CDC14B: variants seen among roughly 807,000 people sequenced by gnomAD.
The protein encoded by CDC14B is dual specificity protein phosphatase CDC14B.
In CDC14B, 22 loss-of-function variants were observed where a neutral mutation model predicts 64.2. That is an observed-to-expected ratio of 0.34 (90% CI 0.24 to 0.49). CDC14B has a LOEUF of 0.49. CDC14B is among the 20% of genes least tolerant of loss of function. CDC14B has a pLI of 0.99. For missense variants in CDC14B, 498 were observed against 629.9 expected, an observed-to-expected ratio of 0.79 and a Z score of 2.24; for synonymous variants, 191 against 215.8, an observed-to-expected ratio of 0.89 and a Z score of 1.01.
At chr9:96,511,413 A>T (rs1834887634) in intron 12 of CDC14B, among the ~76,000 whole-genome samples, 1 of 152,210 alleles carries the variant, frequency 6.6e-6, no homozygotes, top group African/African-American at 2.4e-5. Flanking sequence ...TCTACTAAAA[A>T]TACAAAAATT....
chr9:96,596,618 T>C (rs940478621), intron 1 of CDC14B, among the ~76,000 whole-genome samples: 5 of 152,088 alleles, frequency 3.3e-5, no homozygotes, highest in African/African-American at 1.2e-4. Context: ...CCCAGCATTT[T>C]AGGAGGCCAA....
chr9:96,553,153 T>C (rs1842047399), intron 4 of CDC14B, among the ~76,000 whole-genome samples: 1 of 152,142 alleles, frequency 6.6e-6, no homozygotes, highest in Non-Finnish European at 1.5e-5. Context: ...TTGATATCAA[T>C]GTGAAACTAT....
intron 13 of CDC14B, among the ~76,000 whole-genome samples, chr9:96,494,008 C>T (rs909531600): frequency 2.6e-5 from 4 of 152,236 alleles, no homozygotes; most frequent in Admixed American, 2.0e-4. Flanking sequence ...GGATGCCCCT[C>T]CTCCTACCCG....
intron 5 of CDC14B, among the ~76,000 whole-genome samples, chr9:96,548,016 G>A (rs1173666853): frequency 2.0e-5 from 3 of 151,934 alleles, no homozygotes; most frequent in Middle Eastern, 3.2e-3. Flanking sequence ...TAGTAGAGAC[G>A]GGGTTTCACC....
intron 1 of CDC14B, among the ~76,000 whole-genome samples, chr9:96,590,616 A>G (rs537655874): frequency 1.2e-3 from 176 of 149,912 alleles, no homozygotes; most frequent in African/African-American, 4.0e-3. Context: ...AAGACTTCCA[A>G]TTTCTCCACA....
chr9:96,525,965 T>A, intron 9 of CDC14B, among the ~76,000 whole-genome samples: 1 of 152,192 alleles, frequency 6.6e-6, no homozygotes, highest in East Asian at 1.9e-4. Context: ...CAAATCCATA[T>A]ATTGTTCTAA....
intron 1 of CDC14B, among the ~76,000 whole-genome samples, chr9:96,566,445 A>G (rs1274563845): frequency 6.6e-6 from 1 of 152,028 alleles, no homozygotes; most frequent in Non-Finnish European, 1.5e-5. Context: ...ACTTCTTGCA[A>G]CCACAAACAC....
intron 4 of CDC14B, among the ~76,000 whole-genome samples, chr9:96,557,423 C>T (rs920980622): frequency 1.3e-5 from 2 of 152,212 alleles, no homozygotes; most frequent in African/African-American, 4.8e-5. Context: ...GGATTCTTAC[C>T]CACTGCGTCT....
chr9:96,496,524 C>G (rs942798051), downstream of CDC14B, among the ~76,000 whole-genome samples: 1 of 152,246 alleles, frequency 6.6e-6, no homozygotes, highest in Admixed American at 6.5e-5. Context: ...GGCCGTCAGC[C>G]GTTACCCTCC....
At chr9:96,585,250 T>A (rs1287737972) in intron 1 of CDC14B, among the ~76,000 whole-genome samples, 1 of 151,938 alleles carries the variant, frequency 6.6e-6, no homozygotes, top group African/African-American at 2.4e-5. Context: ...GGGATATATG[T>A]GCAGAACGTG....
At chr9:96,505,137 C>T (rs1455734803) in intron 13 of CDC14B, among the ~76,000 whole-genome samples, 2 of 151,146 alleles carry the variant, frequency 1.3e-5, no homozygotes, top group African/African-American at 2.4e-5. Flanking sequence ...GCCAAGATCG[C>T]ACCACAGCAC....
rs1051994140 is a variant in CDC14B, at chr9:96,605,872, T to C, written c.160+13347A>G. Reference sequence around the variant, plus strand: ...GCGAAATTTTGCCTCAAAAAAAAAATTGTTTTTTTCAAAGACAAATAGTTA... The same window carrying C: ...GCGAAATTTTGCCTCAAAAAAAAAACTGTTTTTTTCAAAGACAAATAGTTA... On this transcript the variant is annotated intron_variant, in intron 1 of 13. Coordinates refer to ENST00000375241, the MANE Select transcript of CDC14B (RefSeq NM_033331.4). Among the ~76,000 whole-genome samples, 36 of 150,400 alleles carry C rather than the reference T, an allele frequency of 2.4e-4. No homozygotes were observed. The East Asian group carries it at 6.7e-3, about 28-fold the overall frequency.
intron 1 of CDC14B, among the ~76,000 whole-genome samples, chr9:96,568,753 T>C (rs1426913737): frequency 4.6e-5 from 7 of 152,006 alleles, no homozygotes; most frequent in Admixed American, 2.0e-4. Context: ...CTGACTCTAC[T>C]AAAAATACAA....
chr9:96,577,638 G>C (rs545892725), intron 1 of CDC14B, among the ~76,000 whole-genome samples: 1 of 152,226 alleles, frequency 6.6e-6, no homozygotes, highest in African/African-American at 2.4e-5. Context: ...CTAATCCATG[G>C]TGCCAAGACC....
chr9:96,611,550 T>C (rs1425454195), intron 1 of CDC14B, among the ~76,000 whole-genome samples: 1 of 152,220 alleles, frequency 6.6e-6, no homozygotes, highest in African/African-American at 2.4e-5. Flanking sequence ...GTTATACAAA[T>C]ATTCAGTAGC....
chr9:96,530,469 G>A (rs1260537834), intron 9 of CDC14B, among the ~76,000 whole-genome samples: 1 of 149,018 alleles, frequency 6.7e-6, no homozygotes, highest in Admixed American at 6.7e-5. Flanking sequence ...TAGTAGAGGC[G>A]GGGTTTCACC....
intron 5 of CDC14B, among the ~76,000 whole-genome samples, chr9:96,548,899 T>A (rs899822726): frequency 6.6e-6 from 1 of 152,170 alleles, no homozygotes; most frequent in Non-Finnish European, 1.5e-5. Flanking sequence ...TTATTTGCTA[T>A]AAATGAATGC....
At chr9:96,556,322 G>A (rs748033980) in intron 4 of CDC14B, among the ~76,000 whole-genome samples, 19 of 151,574 alleles carry the variant, frequency 1.3e-4, no homozygotes, top group Non-Finnish European at 1.8e-4. Context: ...TCTTTCCTAC[G>A]CCAAGAACTT....
At chr9:96,503,813 T>C in intron 13 of CDC14B, 24 bp from the exon 14 acceptor site, 1 of 1,607,214 alleles carries the variant, frequency 6.2e-7, no homozygotes, top group African/African-American at 1.3e-5. Context: ...AAAAAGGATT[T>C]TTACCAGAAA....
Sources: allele counts gnomAD v4.1 joint callset (sites outside exome capture counted in the v4.1 genomes callset), GRCh38; gene constraint gnomAD v4.1.1; transcripts MANE v1.5; gene names NCBI Gene and HGNC (gene_info 2026-07-23, HGNC 2026-07-21).